The following PIGZ variants were observed in gnomAD, a reference collection of about 807,000 sequenced individuals.
PIGZ encodes the protein phosphatidylinositol glycan anchor biosynthesis class Z (Gwada blood group).
Under a neutral mutation model 16.4 loss-of-function variants are expected in PIGZ, and 16 were observed. The ratio of observed to expected loss-of-function variants is 0.97; its 90% CI spans 0.66 to 1.48. The LOEUF (loss-of-function observed/expected upper bound fraction) is 1.48, where lower values mean the gene tolerates loss of function less well. PIGZ is among the 40% of genes most tolerant of loss of function. The pLI is 0.00. For synonymous variants in PIGZ, 409 were observed against 338.4 expected (o/e 1.21, Z -2.29); for missense variants, 770 against 739.2 (o/e 1.04, Z -0.48).
At chr3:196,952,120 A>T in intron 1 of PIGZ, 89 bp from the exon 2 acceptor site, 1 of 1,199,930 alleles carries the variant, frequency 8.3e-7, no homozygotes, top group Non-Finnish European at 1.2e-6. Flanking sequence ...CTGTCATTTA[A>T]TAAAAATGAC....
In PIGZ at chr3:196,948,474, G is replaced by T; in HGVS notation, c.423C>A (p.Asp141Glu). The change falls in exon 3 of 3, where the codon GAC (aspartate) becomes GAA (glutamate). Residue 141 changes from aspartate to glutamate, a missense_variant. Coordinates refer to ENST00000412723, the MANE Select transcript of PIGZ (RefSeq NM_025163.4). ...GCGGGGCCAGGTGGTACACGGCCCC[G>T]TCCAGAGCAAAGGAAAGGGCAGTGA... ...LLLTALSFAL[D>E]GAVYHLAPPM... 2 of 1,613,776 alleles carry T rather than the reference G, an allele frequency of 1.2e-6. No individual in the cohort carries two copies. The highest frequency in any genetic ancestry group is 1.7e-6 in the Non-Finnish European group (2 of 1,179,902).
intron 2 of PIGZ, among the ~76,000 whole-genome samples, chr3:196,949,274 A>C (rs1371415883): frequency 6.6e-6 from 1 of 151,994 alleles, no homozygotes; most frequent in Non-Finnish European, 1.5e-5. Context: ...ATACAGGAGC[A>C]CTGACTGTAA....
At chr3:196,959,341 T>C (rs1328133155) in intron 1 of PIGZ, among the ~76,000 whole-genome samples, 4 of 152,242 alleles carry the variant, frequency 2.6e-5, no homozygotes, top group African/African-American at 9.6e-5. Flanking sequence ...TCAGTGAGTA[T>C]TTTCAATGTA....
chr3:196,962,870 C>G (rs1717777852), intron 1 of PIGZ, among the ~76,000 whole-genome samples: 1 of 152,202 alleles, frequency 6.6e-6, no homozygotes, highest in Non-Finnish European at 1.5e-5. Context: ...AGATAATGAT[C>G]AATAAATACT....
At chr3:196,963,063 C>T (rs957660601) in intron 1 of PIGZ, among the ~76,000 whole-genome samples, 10 of 152,226 alleles carry the variant, frequency 6.6e-5, no homozygotes, top group African/African-American at 2.2e-4. Context: ...CTCTGGAGGC[C>T]TTTGTGGCTG....
rs373453641 is a variant in PIGZ at position 196,947,762 on chromosome 3, C to T, written c.1135G>A (p.Ala379Thr). The part of the protein sequence containing the change: ...YLLLLYFMPL[A>T]LLSAFSHQEA... ...TGGTGGCTAAAGGCAGATAGCAGGGCCAGAGGCATGAAGTAGAGGAGAAGG... is the reference window on the plus strand; with the variant it reads ...TGGTGGCTAAAGGCAGATAGCAGGGTCAGAGGCATGAAGTAGAGGAGAAGG... The change falls in exon 3 of 3, where the codon GCC (alanine) becomes ACC (threonine). Residue 379 changes from alanine to threonine, a missense_variant. Physicochemically the swap from Ala to Thr is moderately conservative, Grantham distance 58. Coordinates refer to ENST00000412723, the MANE Select transcript of PIGZ (RefSeq NM_025163.4). 7 of 1,611,082 alleles carry T rather than the reference C, an allele frequency of 4.3e-6. No homozygotes were observed. In the African/African-American group the frequency reaches 6.7e-5, roughly 15 times the overall value.
At chr3:196,959,535 C>T (rs952048625) in intron 1 of PIGZ, among the ~76,000 whole-genome samples, 3 of 152,166 alleles carry the variant, frequency 2.0e-5, no homozygotes, top group Non-Finnish European at 4.4e-5. Flanking sequence ...ACCTTCCTTT[C>T]CATTAATAAA....
chr3:196,948,316 G>C lies in PIGZ; in HGVS notation c.581C>G (p.Ser194Cys). 6.2e-7 allele frequency: 1 copy of C among 1,614,152 alleles called. No individual in the cohort carries two copies. The highest frequency in any genetic ancestry group is 8.5e-7 in the Non-Finnish European group (1 of 1,180,034). ...GCGTGTAGGGCCCCACGTTACATGGGAGGATACCAGCACCAGCAGCCACGT... is the reference window on the plus strand; with the variant it reads ...GCGTGTAGGGCCCCACGTTACATGGCAGGATACCAGCACCAGCAGCCACGT... ...LFTWLLVLVS[S>C]HVTWGPTRKE... Residue 194 changes from serine to cysteine, a missense_variant, in exon 3 of 3, where the codon TCC becomes TGC. Coordinates refer to ENST00000412723, the MANE Select transcript of PIGZ (RefSeq NM_025163.4).
chr3:196,959,558 T>C (rs1717627160), intron 1 of PIGZ, among the ~76,000 whole-genome samples: 1 of 152,200 alleles, frequency 6.6e-6, no homozygotes, highest in African/African-American at 2.4e-5. Context: ...CGTTCATCTC[T>C]CTACCATTCT....
In PIGZ at chr3:196,965,738, G is replaced by T. The variant is rs1285022309; in HGVS notation, c.-1+2949C>A. ...GATGGCTGGAGGCCCTGGGTTGGTT[G>T]TTTCTGTTTGCAAACAGCCCCCTCC... On this transcript the variant is annotated intron_variant, in intron 1 of 2. Coordinates refer to ENST00000412723, the MANE Select transcript of PIGZ (RefSeq NM_025163.4). This position sits in a 1 kb window ranked among gnomAD's most constrained non-coding sequence, Gnocchi z 4.2. Among the ~76,000 whole-genome samples the T allele has an allele frequency of 6.6e-6, 1 of 152,104 alleles. No homozygotes were observed. Among genetic ancestry groups the T allele is most frequent in the Non-Finnish European group, 1.5e-5 (1 of 68,008 alleles).
chr3:196,947,128 T>C lies in PIGZ; in HGVS notation c.*29A>G, dbSNP rs768336374. 2.6e-6 allele frequency: 4 copies of C among 1,524,190 alleles called. No homozygotes were observed. The East Asian group carries it at 9.1e-5, about 35-fold the overall frequency. 94.4% of individuals were successfully genotyped at this position (1,524,190 alleles called of 1,614,324 possible). On this transcript the variant is annotated 3_prime_UTR_variant, in exon 3 of 3. Transcript: ENST00000412723. The stretch of plus-strand genomic sequence containing the variant: ...TGGGGCGGCATCTTCTATGGCTGAG[T>C]CTTGGGCAGTGGGTGCTCTGTCATA...
chr3:196,964,223 G>C (rs2108919871), intron 1 of PIGZ, among the ~76,000 whole-genome samples: 1 of 152,008 alleles, frequency 6.6e-6, no homozygotes, highest in East Asian at 1.9e-4. Context: ...CTAATTTTTT[G>C]CATTTTTAGT....
At chr3:196,961,161 AT>A (rs1269742869) in intron 1 of PIGZ, among the ~76,000 whole-genome samples, 2 of 152,158 alleles carry the variant, frequency 1.3e-5, no homozygotes, top group African/African-American at 2.4e-5. Flanking sequence ...TGGTTGGGCA[AT>A]GGCTTTCTAA....
In PIGZ at chr3:196,948,421, A is replaced by C. The variant is rs780641137; in HGVS notation, c.476T>G (p.Leu159Arg). Reference sequence around the variant, plus strand: ...GACGTAGGAACCAGACAGCAGGGCCAGGGCGTTCCAGCGATCCGCCCCCAT... The same window carrying C: ...GACGTAGGAACCAGACAGCAGGGCCCGGGCGTTCCAGCGATCCGCCCCCAT... ...PPMGADRWNALALLSGSYVTL... is the reference protein window; with the variant it reads ...PPMGADRWNARALLSGSYVTL... Residue 159 changes from leucine (L) to arginine (R), a missense_variant, in exon 3 of 3, where the codon CTG becomes CGG. Transcript: ENST00000412723. 1.5e-5 allele frequency: 25 copies of C among 1,614,082 alleles called. No homozygotes were observed. The highest frequency in any genetic ancestry group is 1.7e-5 in the Admixed American group (1 of 60,008).
chr3:196,964,505 G>A (rs563559749), intron 1 of PIGZ, among the ~76,000 whole-genome samples: 114 of 151,864 alleles, frequency 7.5e-4, no homozygotes, highest in African/African-American at 2.7e-3. Context: ...CTACAGGCAC[G>A]CATCACCACG....
At chr3:196,952,678 C>T (rs771322372) in intron 1 of PIGZ, among the ~76,000 whole-genome samples, 61 of 152,266 alleles carry the variant, frequency 4.0e-4, no homozygotes, top group Non-Finnish European at 7.4e-4. Context: ...CCTCATGATC[C>T]GCCCACTTTG....
intron 1 of PIGZ, among the ~76,000 whole-genome samples, chr3:196,966,809 A>AATTC (rs919238269): frequency 5.2e-4 from 79 of 152,238 alleles, no homozygotes; most frequent in Admixed American, 4.1e-3. Flanking sequence ...CCTGCTCATT[A>AATTC]ATTCATTCAT....
Position 196,947,229 on chromosome 3 carries a change from CAGG to C in PIGZ, c.1665_1667del (p.Leu556del). ...TCCAAGCCCCACTCAGCAAGGAGGA[CAGG>C]GCTGGTGGATCCTCCAGGGTCAGAT... On this transcript the variant is annotated inframe_deletion, in exon 3 of 3. Coordinates refer to ENST00000412723, the MANE Select transcript of PIGZ (RefSeq NM_025163.4). 1 of 1,608,300 alleles carries C rather than the reference CAGG, an allele frequency of 6.2e-7. No individual in the cohort carries two copies. Among genetic ancestry groups the C allele is most frequent in the Non-Finnish European group, 8.5e-7 (1 of 1,176,930 alleles).
intron 1 of PIGZ, among the ~76,000 whole-genome samples, chr3:196,960,502 T>G (rs1481024782): frequency 2.0e-5 from 3 of 151,890 alleles, no homozygotes; most frequent in Non-Finnish European, 4.4e-5. Context: ...TGAAACCCTG[T>G]CTCTACTAAA....
Sources: allele counts gnomAD v4.1 joint callset (sites outside exome capture counted in the v4.1 genomes callset), GRCh38; gene constraint gnomAD v4.1.1; non-coding constraint Gnocchi (gnomAD v3.1); transcripts MANE v1.5; gene names NCBI Gene and HGNC (gene_info 2026-07-23, HGNC 2026-07-21).